Variants in PDGFRL observed in about 807,000 individuals in gnomAD.
PDGFRL encodes platelet derived growth factor receptor like.
In PDGFRL, 46 loss-of-function variants were observed where a neutral mutation model predicts 37.2. The observed-to-expected ratio is 1.24, with a 90% CI of 0.98 to 1.58. The LOEUF is 1.58. Ranked by LOEUF, PDGFRL falls within the 40% of genes most tolerant of loss-of-function variation. The pLI is 0.00. For missense variants in PDGFRL, 692 were observed against 467.6 expected, an observed-to-expected ratio of 1.48 and a Z score of -4.43; for synonymous variants, 251 against 184.3, an observed-to-expected ratio of 1.36 and a Z score of -2.93.
At chr8:17,636,653 A>C (rs1804976044) in intron 5 of PDGFRL, among the ~76,000 whole-genome samples, 1 of 151,946 alleles carries the variant, frequency 6.6e-6, no homozygotes, top group Admixed American at 6.5e-5. Flanking sequence ...TCTGTGAAGA[A>C]TGATGGTGGT....
At chr8:17,635,857 C>T (rs892769818) in intron 5 of PDGFRL, among the ~76,000 whole-genome samples, 1 of 152,188 alleles carries the variant, frequency 6.6e-6, no homozygotes, top group African/African-American at 2.4e-5. Flanking sequence ...TTTTGATTTG[C>T]ATTTCCCTAA....
Position 17,589,520 on chromosome 8 carries a change from T to A in PDGFRL, c.108T>A (p.Asn36Lys), listed in dbSNP as rs369526606. 2 of 1,613,888 alleles carry A rather than the reference T, an allele frequency of 1.2e-6. No homozygotes were observed. The highest frequency in any genetic ancestry group is 1.7e-4 in the Middle Eastern group (1 of 6,058). Residue 36 changes from asparagine (N) to lysine (K), a missense_variant, in exon 2 of 6, where the codon AAT becomes AAA. By Grantham distance (94) the Asn-to-Lys change is moderately conservative (BLOSUM62 0). Transcript: ENST00000251630. ...AGCGTCCAAAAGAACCAGGAGAGAA[T>A]AGAATCAAACCTACCAACAAGAAGG... ...KNKRPKEPGE[N>K]RIKPTNKKVK...
chr8:17,619,923 C>G (rs576721412), intron 2 of PDGFRL, among the ~76,000 whole-genome samples: 68 of 152,280 alleles, frequency 4.5e-4, no homozygotes, highest in African/African-American at 1.6e-3. Flanking sequence ...TGAGGAGAGG[C>G]TTTTCTCTCT....
At chr8:17,593,824 G>A (rs866928854) in intron 2 of PDGFRL, among the ~76,000 whole-genome samples, 16 of 151,248 alleles carry the variant, frequency 1.1e-4, no homozygotes, top group African/African-American at 3.4e-4. Context: ...GGAGGCGGAG[G>A]TTGTGGTGAG....
At position 17,642,923 on chromosome 8, in the gene PDGFRL, G is replaced by T. The variant is rs191756763; in HGVS notation, c.*122G>T. On this transcript the variant is annotated 3_prime_UTR_variant, in exon 6 of 6. Transcript: ENST00000251630. ...TCAAGCACCACACCCCAACCCCAGCGTCTCGTGAGTCCGACCCAGACATCC... is the reference window on the plus strand; with the variant it reads ...TCAAGCACCACACCCCAACCCCAGCTTCTCGTGAGTCCGACCCAGACATCC... 4 of 635,790 alleles carry T rather than the reference G, an allele frequency of 6.3e-6. No homozygotes were observed. The highest frequency in any genetic ancestry group is 5.5e-5 in the East Asian group (2 of 36,636). 39.4% of individuals were successfully genotyped at this position (635,790 alleles called of 1,614,324 possible). A position where few individuals can be genotyped will look rare whatever the true frequency, so the allele number is the denominator to read the frequency against.
At chr8:17,579,488 G>A (rs1803659743) in intron 1 of PDGFRL, among the ~76,000 whole-genome samples, 1 of 151,664 alleles carries the variant, frequency 6.6e-6, no homozygotes, top group Non-Finnish European at 1.5e-5. Context: ...GACTCAACTT[G>A]TTTCACTGCC....
intron 2 of PDGFRL, among the ~76,000 whole-genome samples, chr8:17,611,595 C>T (rs147871042): frequency 6.6e-5 from 10 of 152,178 alleles, no homozygotes; most frequent in Admixed American, 1.3e-4. Flanking sequence ...GAAAATGAGC[C>T]GATGTGTCTG....
chr8:17,591,670 C>G (rs923872971), intron 2 of PDGFRL, among the ~76,000 whole-genome samples: 1 of 152,192 alleles, frequency 6.6e-6, no homozygotes, highest in Non-Finnish European at 1.5e-5. Flanking sequence ...AATCCCAGCA[C>G]TTTGGGAGGC....
At chr8:17,603,067 C>T (rs575117128) in intron 2 of PDGFRL, among the ~76,000 whole-genome samples, 112 of 152,358 alleles carry the variant, frequency 7.4e-4, no homozygotes, top group African/African-American at 2.3e-3. Context: ...ACTGCAACCT[C>T]TGCCTCCTGG....
At chr8:17,640,586 G>T (rs1805070347) in intron 5 of PDGFRL, among the ~76,000 whole-genome samples, 1 of 152,120 alleles carries the variant, frequency 6.6e-6, no homozygotes, top group African/African-American at 2.4e-5. Flanking sequence ...ACTGGGCTCT[G>T]GGCTGGTACT....
chr8:17,628,721 G>C lies in PDGFRL; in HGVS notation c.740G>C (p.Arg247Thr), dbSNP rs752149698. 3.1e-6 allele frequency: 5 copies of C among 1,614,172 alleles called. No homozygotes were observed. The highest frequency in any genetic ancestry group is 3.4e-6 in the Non-Finnish European group (4 of 1,180,000). ...GAGCACCAGGGTGTGGTTTACTGCA[G>C]GGCGGAGGCCGGGGGCAGATCTCAG... is the stretch of plus-strand genomic sequence containing the variant. ...HSEHQGVVYCRAEAGGRSQIS... is the reference protein window; with the variant it reads ...HSEHQGVVYCTAEAGGRSQIS... Residue 247 changes from arginine to threonine, a missense_variant, in exon 4 of 6, where the codon AGG becomes ACG. Coordinates refer to ENST00000251630, the MANE Select transcript of PDGFRL (RefSeq NM_001372073.1).
rs60912508 is a variant in PDGFRL at position 17,620,453 on chromosome 8, TC to T, written c.354-594del. The stretch of plus-strand genomic sequence containing the variant: ...AGATACAGGGTGGCCATTTACCTCC[TC>T]CCCTCCTGCACACAGTTTTCCCATT... On this transcript the variant is annotated intron_variant, in intron 2 of 5. Coordinates refer to ENST00000251630, the MANE Select transcript of PDGFRL (RefSeq NM_001372073.1). Among the ~76,000 whole-genome samples, 1,228 of 152,234 alleles carry T rather than the reference TC, an allele frequency of 8.1e-3. 18 individuals carry two copies. Among genetic ancestry groups the T allele is most frequent in the African/African-American group, 0.027 (1,134 of 41,518 alleles).
At chr8:17,597,757 G>A (rs1223659760) in intron 2 of PDGFRL, among the ~76,000 whole-genome samples, 1 of 152,036 alleles carries the variant, frequency 6.6e-6, no homozygotes, top group African/African-American at 2.4e-5. Context: ...TTTTCACAGT[G>A]GTGTTTTAGC....
At chr8:17,616,536 C>G (rs1020605061) in intron 2 of PDGFRL, among the ~76,000 whole-genome samples, 2 of 152,206 alleles carry the variant, frequency 1.3e-5, no homozygotes, top group African/African-American at 4.8e-5. Flanking sequence ...CTTCAGCCAA[C>G]TTGTCGTCCA....
intron 1 of PDGFRL, among the ~76,000 whole-genome samples, chr8:17,586,397 CAAAG>C (rs1273154894): frequency 2.0e-5 from 3 of 152,112 alleles, no homozygotes; most frequent in Non-Finnish European, 4.4e-5. Context: ...TCACATCAAA[CAAAG>C]AATCTCATGG....
At chr8:17,632,720 A>C (rs958070884) in intron 4 of PDGFRL, among the ~76,000 whole-genome samples, 34 of 152,082 alleles carry the variant, frequency 2.2e-4, no homozygotes, top group African/African-American at 8.2e-4. Flanking sequence ...GAATGGCCTC[A>C]CATGGACTCA....
At chr8:17,629,722 A>G (rs1804823003) in intron 4 of PDGFRL, among the ~76,000 whole-genome samples, 1 of 151,926 alleles carries the variant, frequency 6.6e-6, no homozygotes, top group African/African-American at 2.4e-5. Flanking sequence ...CATCCGTTCC[A>G]CCTCAGATAT....
chr8:17,632,037 G>A (rs949399488), intron 4 of PDGFRL, among the ~76,000 whole-genome samples: 1 of 152,148 alleles, frequency 6.6e-6, no homozygotes, highest in Non-Finnish European at 1.5e-5. Flanking sequence ...CATCCTCCGC[G>A]TGCCATCCCT....
chr8:17,619,338 A>C (rs1206761627), intron 2 of PDGFRL, among the ~76,000 whole-genome samples: 1 of 152,222 alleles, frequency 6.6e-6, no homozygotes, highest in Non-Finnish European at 1.5e-5. Flanking sequence ...ATTAATTACC[A>C]TTGAAATTGG....
Sources: gnomAD v4.1 joint callset for allele counts (sites outside exome capture counted in the v4.1 genomes callset) on GRCh38, gnomAD v4.1.1 for gene constraint, MANE v1.5 for transcripts, NCBI Gene and HGNC (gene_info 2026-07-23, HGNC 2026-07-21) for gene names.